DUSP16: variants seen among roughly 807,000 people sequenced by gnomAD.
DUSP16 encodes dual specificity phosphatase 16, also known as dual specificity protein phosphatase 16.
In DUSP16, 21 loss-of-function variants were observed where a neutral mutation model predicts 58.3. That is an observed-to-expected ratio of 0.36 (90% CI 0.26 to 0.52). The LOEUF (loss-of-function observed/expected upper bound fraction) is 0.52, where lower values mean the gene tolerates loss of function less well. DUSP16 is among the 20% of genes least tolerant of loss of function. DUSP16 has a pLI of 0.94. For synonymous variants in DUSP16, 320 were observed against 323.8 expected, an observed-to-expected ratio of 0.99 and a Z score of 0.12; for missense variants, 726 against 819.0, an observed-to-expected ratio of 0.89 and a Z score of 1.39.
intron 1 of DUSP16, among the ~76,000 whole-genome samples, chr12:12,532,112 T>C (rs1196855436): frequency 2.6e-5 from 4 of 151,938 alleles, no homozygotes; most frequent in Non-Finnish European, 4.4e-5. Context: ...GAGCCGAGAT[T>C]GCGCCACTGC....
intron 3 of DUSP16, among the ~76,000 whole-genome samples, chr12:12,512,104 C>T (rs113129954): frequency 6.6e-6 from 1 of 152,044 alleles, no homozygotes; most frequent in East Asian, 1.9e-4. Context: ...AGATAGCAAT[C>T]GGAGAAAAGA....
rs577428899 is a variant in DUSP16 at position 12,482,366 on chromosome 12, T to C, written c.692-2020A>G. 7.7e-4 allele frequency among the ~76,000 whole-genome samples: 117 copies of C among 152,290 alleles called. 2 individuals are homozygous for C. The highest frequency in any genetic ancestry group is 2.8e-3 in the African/African-American group (115 of 41,542). Reference sequence around the variant, plus strand: ...GAGGTTATAGGTTTCCTTTTCTCTGTTTTTCAAATTTTCTGCAATGTGCTT... The same window carrying C: ...GAGGTTATAGGTTTCCTTTTCTCTGCTTTTCAAATTTTCTGCAATGTGCTT... On this transcript the variant is annotated intron_variant, in intron 5 of 6. Transcript: ENST00000298573.
intron 1 of DUSP16, among the ~76,000 whole-genome samples, chr12:12,535,909 T>C (rs1456706921): frequency 2.0e-5 from 3 of 152,326 alleles, no homozygotes; most frequent in Admixed American, 2.0e-4. Context: ...CTACAGATTA[T>C]GTCAACAAGT....
At chr12:12,541,444 C>T (rs910645524) in intron 1 of DUSP16, among the ~76,000 whole-genome samples, 2 of 152,284 alleles carry the variant, frequency 1.3e-5, no homozygotes, top group Admixed American at 6.5e-5. Context: ...GTATCTCCCA[C>T]AAAGCGTTAA....
At chr12:12,525,051 T>G (rs1435751509) in intron 1 of DUSP16, among the ~76,000 whole-genome samples, 1 of 152,240 alleles carries the variant, frequency 6.6e-6, no homozygotes, top group African/African-American at 2.4e-5. Context: ...TCCAAAGATT[T>G]TTTTAAATTA....
chr12:12,478,280 C>T (rs1943497283), intron 6 of DUSP16, among the ~76,000 whole-genome samples: 1 of 151,766 alleles, frequency 6.6e-6, no homozygotes, highest in Non-Finnish European at 1.5e-5. Flanking sequence ...TTTTCAAAGG[C>T]CCAGGGCTCC....
chr12:12,502,426 CT>C (rs1397452156), intron 3 of DUSP16, among the ~76,000 whole-genome samples: 4 of 152,136 alleles, frequency 2.6e-5, no homozygotes, highest in Non-Finnish European at 4.4e-5. Context: ...AGTTAAAGCT[CT>C]TCCACTTACT....
At chr12:12,560,614 T>A (rs891539357) in intron 1 of DUSP16, among the ~76,000 whole-genome samples, 1 of 152,196 alleles carries the variant, frequency 6.6e-6, no homozygotes, top group Admixed American at 6.5e-5. Flanking sequence ...CATTCTGCTT[T>A]TCATTTTACT....
At chr12:12,527,414 A>G (rs1566027648) in intron 1 of DUSP16, among the ~76,000 whole-genome samples, 2 of 152,166 alleles carry the variant, frequency 1.3e-5, no homozygotes, top group Admixed American at 1.3e-4. Context: ...GATAAACTTG[A>G]TAGAAATTCT....
chr12:12,562,552 G>A lies in DUSP16; in HGVS notation c.-801C>T, dbSNP rs1474379707. Among the ~76,000 whole-genome samples, 1 of 141,384 alleles carries A rather than the reference G, an allele frequency of 7.1e-6. No individual in the cohort carries two copies. The highest frequency in any genetic ancestry group is 1.6e-5 in the Non-Finnish European group (1 of 64,304). 92.8% of individuals were successfully genotyped at this position (141,384 alleles called of 152,430 possible). ...CCCAAACACTGATACATAGAAAGAG[G>A]GGGAAAGGCGGGGGGGTGGGGTGGG... On this transcript the variant is annotated 5_prime_UTR_variant, in exon 1 of 7. Coordinates refer to ENST00000298573, the MANE Select transcript of DUSP16 (RefSeq NM_030640.3).
rs76992402 is a variant in DUSP16 at position 12,484,579 on chromosome 12, T to C, written c.691+2449A>G. 5.9e-3 allele frequency among the ~76,000 whole-genome samples: 893 copies of C among 152,330 alleles called. 2 individuals are homozygous for C. Among genetic ancestry groups the C allele is most frequent in the Non-Finnish European group, 7.9e-3 (540 of 68,024 alleles). ...TAGCTGAAATTAGAGCCAATGTCTC[T>C]GGAAGTGACGTGCAATGGGAACATT... On this transcript the variant is annotated intron_variant, in intron 5 of 6. Transcript: ENST00000298573.
At chr12:12,557,846 T>C (rs1002643420) in intron 1 of DUSP16, among the ~76,000 whole-genome samples, 1 of 152,232 alleles carries the variant, frequency 6.6e-6, no homozygotes, top group Non-Finnish European at 1.5e-5. Context: ...ATGGCCAGGG[T>C]CTAGCACTTG....
chr12:12,513,068 G>A (rs1944101238), intron 3 of DUSP16, among the ~76,000 whole-genome samples: 1 of 152,208 alleles, frequency 6.6e-6, no homozygotes, highest in Middle Eastern at 3.2e-3. Flanking sequence ...AATTGAAAAT[G>A]TGTAGAGTCT....
Position 12,521,281 on chromosome 12 carries a change from C to T in DUSP16, c.-183G>A. 7.0e-7 allele frequency: 1 copy of T among 1,437,430 alleles called. No individual in the cohort carries two copies. The highest frequency in any genetic ancestry group is 2.5e-5 in the East Asian group (1 of 39,838). 89.0% of individuals were successfully genotyped at this position (1,437,430 alleles called of 1,614,324 possible). A position where few individuals can be genotyped will look rare whatever the true frequency, so the allele number is the denominator to read the frequency against. On this transcript the variant is annotated 5_prime_UTR_variant, in exon 2 of 7. Transcript: ENST00000298573. ...GAGCCCTCCAAGTGAATGTCTCTTTCTCTTTCCCGTTGATGTGCTCTTGCA... is the reference window on the plus strand; with the variant it reads ...GAGCCCTCCAAGTGAATGTCTCTTTTTCTTTCCCGTTGATGTGCTCTTGCA...
At chr12:12,506,065 G>A (rs1164274820) in intron 3 of DUSP16, 1 of 152,022 alleles carries the variant, frequency 6.6e-6, no homozygotes, top group Non-Finnish European at 1.5e-5. Context: ...CTCCTTCATT[G>A]ACAGTTTTTT....
Position 12,476,692 on chromosome 12 carries a change from G to A in DUSP16, c.*141C>T, listed in dbSNP as rs913431446. On this transcript the variant is annotated 3_prime_UTR_variant, in exon 7 of 7. Transcript: ENST00000298573. Reference sequence around the variant, plus strand: ...ATGTTAAGAGAGTAACAACTGGGTTGATCCACCTGTTGCTTTTACACCATA... The same window carrying A: ...ATGTTAAGAGAGTAACAACTGGGTTAATCCACCTGTTGCTTTTACACCATA... 6 of 674,522 alleles carry A rather than the reference G, an allele frequency of 8.9e-6. No homozygotes were observed. Among genetic ancestry groups the A allele is most frequent in the Non-Finnish European group, 1.5e-5 (6 of 410,526 alleles). 41.8% of individuals were successfully genotyped at this position (674,522 alleles called of 1,614,324 possible).
chr12:12,480,330 G>A lies in DUSP16; in HGVS notation c.708C>T (p.Ser236=). Residue 236 remains serine, a synonymous_variant, in exon 6 of 7, where the codon TCC becomes TCT. Transcript: ENST00000298573. Reference sequence around the variant, plus strand: ...AACAGTGCACTAGAACACATCCATTGGAGGCTTTTGCTTTCTCTGTATAAG... The same window carrying A: ...AACAGTGCACTAGAACACATCCATTAGAGGCTTTTGCTTTCTCTGTATAAG... The part of the protein sequence containing the change: ...SVDFIEKAKA[S]NGCVLVHCLA... 6.2e-7 allele frequency: 1 copy of A among 1,613,808 alleles called. No homozygotes were observed.
chr12:12,486,795 C>T (rs1943691190), intron 5 of DUSP16, among the ~76,000 whole-genome samples: 1 of 152,148 alleles, frequency 6.6e-6, no homozygotes, highest in African/African-American at 2.4e-5. Flanking sequence ...GAAGCTTAAC[C>T]TTGGTGGTGT....
intron 1 of DUSP16, among the ~76,000 whole-genome samples, chr12:12,528,246 A>C (rs1318445640): frequency 6.6e-6 from 1 of 151,060 alleles, no homozygotes; most frequent in Non-Finnish European, 1.5e-5. Context: ...AGGCTCCTTC[A>C]CCTACCCCTC....
Sources: allele counts gnomAD v4.1 joint callset (sites outside exome capture counted in the v4.1 genomes callset), GRCh38; gene constraint gnomAD v4.1.1; transcripts MANE v1.5; gene names NCBI Gene and HGNC (gene_info 2026-07-23, HGNC 2026-07-21).